Variants in CACNA1E observed in about 807,000 individuals in gnomAD.
CACNA1E encodes calcium voltage-gated channel subunit alpha1 E, also known as voltage-dependent R-type calcium channel subunit alpha-1E.
CACNA1E carries 40 observed loss-of-function variants against 259.2 expected under a neutral mutation model. That is an observed-to-expected ratio of 0.15 (90% CI 0.12 to 0.20). The LOEUF is 0.20. Among genes scored for constraint, CACNA1E ranks in the 10% least tolerant of loss-of-function variants. CACNA1E has a pLI of 1.00. For synonymous variants in CACNA1E, 1,104 were observed against 1,138.5 expected (o/e 0.97, Z 0.61); for missense variants, 1,874 against 3,040.1 (o/e 0.62, Z 9.02).
intron 1 of CACNA1E, among the ~76,000 whole-genome samples, chr1:181,410,110 G>T (rs72729367): frequency 0.1 from 15,925 of 152,152 alleles, 912 homozygotes; most frequent in South Asian, 0.18. Context: ...CCTGGGGAGG[G>T]AGTGGGAGCA....
intron 1 of CACNA1E, among the ~76,000 whole-genome samples, chr1:181,328,864 G>C (rs1027615606): frequency 6.6e-6 from 1 of 152,174 alleles, no homozygotes; most frequent in African/African-American, 2.4e-5. Context: ...GTGACTCCTA[G>C]AGGTCTGCTA....
chr1:181,750,365 C>T, intron 25 of CACNA1E, 111 bp from the exon 26 acceptor site: 1 of 895,558 alleles, frequency 1.1e-6, no homozygotes, highest in Non-Finnish European at 1.8e-6. Context: ...TTGTAGGGTT[C>T]TCTTTTCTCC....
rs186830858 is a variant in CACNA1E at position 181,541,679 on chromosome 1, G to A, written c.512+30169G>A. On this transcript the variant is annotated intron_variant, in intron 3 of 47. Coordinates refer to ENST00000367573, the MANE Select transcript of CACNA1E (RefSeq NM_001205293.3). ...GCTAACACCAAGCAGAGGAGCACAT[G>A]TTATGTTTTGACCTGCAAAGACTCG... 7.2e-5 allele frequency among the ~76,000 whole-genome samples: 11 copies of A among 152,322 alleles called. No individual in the cohort carries two copies. The East Asian group carries it at 2.1e-3, about 29-fold the overall frequency.
At chr1:181,503,231 C>T (rs145542440) in intron 1 of CACNA1E, among the ~76,000 whole-genome samples, 30 of 152,318 alleles carry the variant, frequency 2.0e-4, no homozygotes, top group Middle Eastern at 3.4e-3. Context: ...CTTTCTCAGT[C>T]GGCTCAGACG....
intron 2 of CACNA1E, among the ~76,000 whole-genome samples, chr1:181,442,485 GA>G (rs1264849798): frequency 1.3e-5 from 2 of 151,720 alleles, no homozygotes; most frequent in Non-Finnish European, 1.5e-5. Flanking sequence ...GCACAGATGT[GA>G]AGGACACAGA....
At chr1:181,573,070 C>T (rs535633904) in intron 3 of CACNA1E, among the ~76,000 whole-genome samples, 124 of 152,274 alleles carry the variant, frequency 8.1e-4, no homozygotes, top group African/African-American at 2.8e-3. Flanking sequence ...CAGAAGAGAA[C>T]TGACTTTAAC....
chr1:181,566,492 A>G (rs1055045838), intron 3 of CACNA1E, among the ~76,000 whole-genome samples: 4 of 152,204 alleles, frequency 2.6e-5, no homozygotes, highest in Non-Finnish European at 2.9e-5. Context: ...CTCAGAAAAG[A>G]GAAGGAAATG....
chr1:181,743,161 T>C (rs1038820100), intron 25 of CACNA1E, among the ~76,000 whole-genome samples: 1 of 152,206 alleles, frequency 6.6e-6, no homozygotes, highest in Non-Finnish European at 1.5e-5. Context: ...TCCGCTGCCC[T>C]GACAACACCC....
At chr1:181,542,422 T>A (rs1426317476) in intron 3 of CACNA1E, among the ~76,000 whole-genome samples, 1 of 152,186 alleles carries the variant, frequency 6.6e-6, no homozygotes, top group Non-Finnish European at 1.5e-5. Context: ...GCTTTGTGTC[T>A]CCACCCAAAT....
In CACNA1E at chr1:181,732,674, G is replaced by A. The variant is rs202202209; in HGVS notation, c.2588G>A (p.Arg863Gln). The change falls in exon 20 of 48, where the codon CGA becomes CAA. Residue 863 changes from arginine to glutamine, a missense_variant. Physicochemically the swap from Arg to Gln is conservative, Grantham distance 43 (BLOSUM62 1). Around this residue, in one of 14 missense-constraint regions of CACNA1E, gnomAD observed 476 missense variants for 514.0 expected, o/e 0.93. Coordinates refer to ENST00000367573, the MANE Select transcript of CACNA1E (RefSeq NM_001205293.3). This position sits in a 1 kb window ranked among gnomAD's most constrained non-coding sequence, Gnocchi z 5.5. ...GGSLKGDGGD[R>Q]SSALDNQRTP... ...TCCCTCAAGGGGGATGGAGGGGACC[G>A]ATCCAGTGCCCTGGACAACCAGAGG... 6.3e-4 allele frequency: 956 copies of A among 1,524,198 alleles called. 5 individuals carry two copies. In the African/African-American group the frequency reaches 0.012, roughly 19 times the overall value. The allele number at this position is 1,524,198 out of a possible 1,614,324, so 94.4% of individuals were successfully genotyped here.
intron 1 of CACNA1E, among the ~76,000 whole-genome samples, chr1:181,490,498 G>A (rs1323701965): frequency 1.3e-5 from 2 of 149,884 alleles, no homozygotes; most frequent in Non-Finnish European, 1.5e-5. Flanking sequence ...CTCCAGCCAC[G>A]TGAGGCTTCA....
intron 8 of CACNA1E, among the ~76,000 whole-genome samples, chr1:181,712,306 A>G (rs1478820051): frequency 2.6e-5 from 4 of 152,212 alleles, no homozygotes; most frequent in African/African-American, 9.6e-5. Flanking sequence ...CAGAGGAACA[A>G]GTGATTTCTT....
At position 181,798,511 on chromosome 1, in the gene CACNA1E, C is replaced by T; in HGVS notation, c.6619C>T (p.Leu2207=). The change falls in exon 48 of 48, where the codon CTG becomes TTG. Residue 2207 remains leucine, a synonymous_variant. Coordinates refer to ENST00000367573, the MANE Select transcript of CACNA1E (RefSeq NM_001205293.3). The surrounding 1 kb of genome is among the most constrained non-coding windows in gnomAD (Gnocchi z 4.2). ...AGCTCTGGAGAGCAACAATGCTTGC[C>T]TGACCGAGTCTTCCAACTCTCCGCA... ...SQALESNNAC[L]TESSNSPHPQ... is the part of the protein sequence containing the mutation. The T allele has an allele frequency of 6.2e-7, 1 of 1,613,944 alleles. No homozygotes were observed. The highest frequency in any genetic ancestry group is 8.5e-7 in the Non-Finnish European group (1 of 1,179,904).
At chr1:181,349,199 G>A (rs990462776) in intron 1 of CACNA1E, among the ~76,000 whole-genome samples, 1 of 152,234 alleles carries the variant, frequency 6.6e-6, no homozygotes, top group Non-Finnish European at 1.5e-5. Flanking sequence ...CCTTGGTGGA[G>A]TTGATGCCTG....
Position 181,794,366 on chromosome 1 carries a change from A to G in CACNA1E, c.6028-498A>G, listed in dbSNP as rs527378592. Reference sequence around the variant, plus strand: ...GATGGCAGCAGAGGGAGAGTGATACATTCTTAGCACTTGTTAAATTGCAAG... The same window carrying G: ...GATGGCAGCAGAGGGAGAGTGATACGTTCTTAGCACTTGTTAAATTGCAAG... On this transcript the variant is annotated intron_variant, in intron 45 of 47. Coordinates refer to ENST00000367573, the MANE Select transcript of CACNA1E (RefSeq NM_001205293.3). Among the ~76,000 whole-genome samples, 3 of 152,320 alleles carry G rather than the reference A, an allele frequency of 2.0e-5. No homozygotes were observed. In the South Asian group the frequency reaches 6.2e-4, roughly 32 times the overall value.
chr1:181,798,537 C>A lies in CACNA1E; in HGVS notation c.6645C>A (p.His2215Gln), dbSNP rs760207202. 1 of 1,613,836 alleles carries A rather than the reference C, an allele frequency of 6.2e-7. No individual in the cohort carries two copies. The highest frequency in any genetic ancestry group is 8.5e-7 in the Non-Finnish European group (1 of 1,179,882). ...ACLTESSNSP[H>Q]PQQSQHASPQ... The stretch of plus-strand genomic sequence containing the variant: ...TGACCGAGTCTTCCAACTCTCCGCA[C>A]CCCCAGCAGAGCCAACATGCCTCCC... Residue 2215 changes from histidine to glutamine, a missense_variant, in exon 48 of 48, where the codon CAC becomes CAA. By Grantham distance (24) the His-to-Gln change is conservative. Around this residue, in one of 14 missense-constraint regions of CACNA1E, gnomAD observed 542 missense variants for 587.2 expected, o/e 0.92. Transcript: ENST00000367573. This position sits in a 1 kb window ranked among gnomAD's most constrained non-coding sequence, Gnocchi z 4.2.
At chr1:181,634,191 T>A (rs1656996882) in intron 6 of CACNA1E, among the ~76,000 whole-genome samples, 1 of 152,226 alleles carries the variant, frequency 6.6e-6, no homozygotes, top group East Asian at 1.9e-4. Flanking sequence ...AAGCTCACTT[T>A]GCTCTTCTTT....
intron 6 of CACNA1E, among the ~76,000 whole-genome samples, chr1:181,625,975 C>T (rs1489894882): frequency 6.6e-6 from 1 of 152,048 alleles, no homozygotes; most frequent in Non-Finnish European, 1.5e-5. Flanking sequence ...TGTTGTGTCT[C>T]AGGGGATAGG....
At chr1:181,515,249 C>A (rs566833023) in intron 3 of CACNA1E, among the ~76,000 whole-genome samples, 25 of 152,236 alleles carry the variant, frequency 1.6e-4, no homozygotes, top group African/African-American at 5.5e-4. Flanking sequence ...GACAGGGGCC[C>A]AATGTGTCCA....
Sources: allele counts gnomAD v4.1 joint callset (sites outside exome capture counted in the v4.1 genomes callset), GRCh38; gene constraint gnomAD v4.1.1; regional missense constraint gnomAD v4.1.1; non-coding constraint Gnocchi (gnomAD v3.1); transcripts MANE v1.5; gene names NCBI Gene and HGNC (gene_info 2026-07-23, HGNC 2026-07-21).